The following PEX5L variants were observed in gnomAD, a reference collection of about 807,000 sequenced individuals.
PEX5L encodes peroxisomal biogenesis factor 5 like.
In PEX5L, 30 loss-of-function variants were observed where a neutral mutation model predicts 84.0. The ratio of observed to expected loss-of-function variants is 0.36; its 90% CI spans 0.27 to 0.48. PEX5L has a LOEUF of 0.48. Among genes scored for constraint, PEX5L ranks in the 20% least tolerant of loss-of-function variants. PEX5L has a pLI of 0.99. For missense variants in PEX5L, 533 were observed against 754.6 expected, an observed-to-expected ratio of 0.71 and a Z score of 3.44; for synonymous variants, 270 against 283.1, an observed-to-expected ratio of 0.95 and a Z score of 0.46.
intron 1 of PEX5L, among the ~76,000 whole-genome samples, chr3:180,024,522 G>C (rs1229141043): frequency 1.6e-4 from 23 of 142,296 alleles, no homozygotes; most frequent in Non-Finnish European, 2.9e-4. Context: ...TCCAGCCTGG[G>C]AGATGGAGCG....
intron 11 of PEX5L, 27 bp from the exon 12 acceptor site, chr3:179,809,695 A>G: frequency 1.3e-6 from 2 of 1,557,538 alleles, no homozygotes; most frequent in Non-Finnish European, 1.7e-6. Context: ...AGCCAATTTC[A>G]GATTTTTTTT....
At position 179,796,265 on chromosome 3, in the gene PEX5L, ATTATT is replaced by A. The variant is rs1455139402; in HGVS notation, c.*5558_*5562del. On this transcript the variant is annotated 3_prime_UTR_variant, in exon 15 of 15. Transcript: ENST00000467460. ...TTGTTGTTGTTGTTTCCATCTTAAT[ATTATT>A]TTGAGTGCAGGCTTCTATTAAGTAT... 1 of 151,786 alleles carries A rather than the reference ATTATT, an allele frequency of 6.6e-6. No homozygotes were observed. Among genetic ancestry groups the A allele is most frequent in the Non-Finnish European group, 1.5e-5 (1 of 67,988 alleles). The allele number at this position is 151,786 out of a possible 1,614,324, so 9.4% of individuals were successfully genotyped here.
chr3:179,910,353 C>T (rs1267361286), intron 2 of PEX5L, among the ~76,000 whole-genome samples: 1 of 152,160 alleles, frequency 6.6e-6, no homozygotes, highest in Non-Finnish European at 1.5e-5. Flanking sequence ...TGCTTGAAAA[C>T]AATTTTCTTG....
intron 2 of PEX5L, among the ~76,000 whole-genome samples, chr3:179,971,193 T>TCTCTTTC (rs374504805): frequency 2.0e-5 from 3 of 151,582 alleles, no homozygotes; most frequent in Non-Finnish European, 4.4e-5. Flanking sequence ...TTTTCTCTCT[T>TCTCTTTC]TCTCTCTCTC....
Position 180,008,088 on chromosome 3 carries a change from T to C in PEX5L, c.21+28491A>G, listed in dbSNP as rs116646904. Among the ~76,000 whole-genome samples, 466 of 152,366 alleles carry C rather than the reference T, an allele frequency of 3.1e-3. 2 individuals are homozygous for C. The highest frequency in any genetic ancestry group is 0.011 in the African/African-American group (442 of 41,578). On this transcript the variant is annotated intron_variant, in intron 1 of 14. Coordinates refer to ENST00000467460, the MANE Select transcript of PEX5L (RefSeq NM_016559.3). ...AGGCAGCAAATTTTCCAAACTTTTA[T>C]GCTTGGCTTCCCTTATAAAACTTGA...
chr3:179,916,131 A>G (rs1766989868), intron 2 of PEX5L, among the ~76,000 whole-genome samples: 1 of 152,176 alleles, frequency 6.6e-6, no homozygotes, highest in Non-Finnish European at 1.5e-5. Flanking sequence ...TACTTCATAC[A>G]TATATATTTT....
At position 180,008,621 on chromosome 3, in the gene PEX5L, T is replaced by G. The variant is rs548816423; in HGVS notation, c.21+27958A>C. On this transcript the variant is annotated intron_variant, in intron 1 of 14. Coordinates refer to ENST00000467460, the MANE Select transcript of PEX5L (RefSeq NM_016559.3). Reference sequence around the variant, plus strand: ...ATTTAATTGGACTTACAGTTCCACATGGCTGGGGAGGCCTCAGAATCATGG... The same window carrying G: ...ATTTAATTGGACTTACAGTTCCACAGGGCTGGGGAGGCCTCAGAATCATGG... Among the ~76,000 whole-genome samples, 3 of 152,336 alleles carry G rather than the reference T, an allele frequency of 2.0e-5. No homozygotes were observed. In the East Asian group the frequency reaches 5.8e-4, roughly 29 times the overall value.
rs545072342 is a variant in PEX5L, at chr3:179,968,488, T to A, written c.93+3106A>T. Among the ~76,000 whole-genome samples, 5 of 152,278 alleles carry A rather than the reference T, an allele frequency of 3.3e-5. No homozygotes were observed. The South Asian group carries it at 1.0e-3, about 32-fold the overall frequency. On this transcript the variant is annotated intron_variant, in intron 2 of 14. Coordinates refer to ENST00000467460, the MANE Select transcript of PEX5L (RefSeq NM_016559.3). ...CCATAATAGATGTTTAAAATTTATC[T>A]TTTAATATTTATTTTACAAAGACAA...
At chr3:179,958,066 A>G (rs570446525) in intron 2 of PEX5L, among the ~76,000 whole-genome samples, 2 of 152,036 alleles carry the variant, frequency 1.3e-5, no homozygotes, top group South Asian at 4.1e-4. Flanking sequence ...ATATACATAC[A>G]CACTCTCAAG....
intron 11 of PEX5L, 91 bp downstream of exon 11, chr3:179,811,710 A>T: frequency 1.1e-6 from 1 of 937,540 alleles, no homozygotes; most frequent in Non-Finnish European, 1.8e-6. Flanking sequence ...TTTACACTGT[A>T]CTTCAGTAAA....
chr3:179,893,746 T>C (rs1758320007), intron 3 of PEX5L, among the ~76,000 whole-genome samples: 1 of 152,156 alleles, frequency 6.6e-6, no homozygotes, highest in African/African-American at 2.4e-5. Context: ...AGTTAAAACA[T>C]TGAAGCTAAT....
At chr3:179,944,775 C>CTACA (rs2109856983) in intron 2 of PEX5L, among the ~76,000 whole-genome samples, 1 of 152,274 alleles carries the variant, frequency 6.6e-6, no homozygotes, top group South Asian at 2.1e-4. Flanking sequence ...TGTTGAGCAC[C>CTACA]TACAGTACAT....
chr3:179,889,465 G>C (rs1364113501), intron 3 of PEX5L, among the ~76,000 whole-genome samples: 1 of 152,166 alleles, frequency 6.6e-6, no homozygotes, highest in Non-Finnish European at 1.5e-5. Context: ...TTTCAATATA[G>C]AGTTGGTAAT....
chr3:179,837,765 G>A (rs917227897), intron 8 of PEX5L, among the ~76,000 whole-genome samples: 2 of 152,204 alleles, frequency 1.3e-5, no homozygotes, highest in African/African-American at 4.8e-5. Context: ...GGCATTTCTT[G>A]TTGCACACGG....
intron 7 of PEX5L, among the ~76,000 whole-genome samples, chr3:179,866,643 C>T (rs1748277677): frequency 6.6e-6 from 1 of 152,098 alleles, no homozygotes; most frequent in African/African-American, 2.4e-5. Context: ...TAGTTGGAAT[C>T]TTATACTAGA....
At chr3:179,820,116 G>T in intron 8 of PEX5L, 140 bp from the exon 9 acceptor site, 2 of 1,204,034 alleles carry the variant, frequency 1.7e-6, no homozygotes, top group South Asian at 1.5e-5. Flanking sequence ...AGGCGTGGCT[G>T]AAGAGCTTCT....
intron 8 of PEX5L, among the ~76,000 whole-genome samples, chr3:179,832,267 T>G (rs560929520): frequency 4.0e-4 from 60 of 151,410 alleles, no homozygotes; most frequent in Admixed American, 1.4e-3. Context: ...GAGAGAGAGA[T>G]AGAGAGGGAG....
rs542772343 is a variant in PEX5L, at chr3:179,883,586, C to A, written c.311-3463G>T. Among the ~76,000 whole-genome samples, 18 of 152,244 alleles carry A rather than the reference C, an allele frequency of 1.2e-4. No individual in the cohort carries two copies. The East Asian group carries it at 3.5e-3, about 29-fold the overall frequency. On this transcript the variant is annotated intron_variant, in intron 4 of 14. Coordinates refer to ENST00000467460, the MANE Select transcript of PEX5L (RefSeq NM_016559.3). ...ATCACCTGAGGTCGGGAGTTCAAGG[C>A]CAGCCTGACCAAAATGGAGAAACCC...
intron 1 of PEX5L, among the ~76,000 whole-genome samples, chr3:179,984,810 C>A (rs1041757498): frequency 2.0e-5 from 3 of 152,078 alleles, no homozygotes; most frequent in African/African-American, 4.8e-5. Context: ...ATGATACTAG[C>A]TTTAGTGCTT....
Sources: allele counts gnomAD v4.1 joint callset (sites outside exome capture counted in the v4.1 genomes callset), GRCh38; gene constraint gnomAD v4.1.1; transcripts MANE v1.5; gene names NCBI Gene and HGNC (gene_info 2026-07-23, HGNC 2026-07-21).